Variants in PRKG1 observed in about 807,000 individuals in gnomAD.
PRKG1 encodes cGMP-dependent protein kinase 1.
In PRKG1, 35 loss-of-function variants were observed where a neutral mutation model predicts 88.1. The observed-to-expected ratio is 0.40, with a 90% CI of 0.30 to 0.53. The LOEUF (loss-of-function observed/expected upper bound fraction) is 0.53. Among genes scored for constraint, PRKG1 ranks in the 20% least tolerant of loss-of-function variants. PRKG1 has a pLI of 0.59. For missense variants in PRKG1, 540 were observed against 839.8 expected, an observed-to-expected ratio of 0.64 and a Z score of 4.41; for synonymous variants, 303 against 292.5, an observed-to-expected ratio of 1.04 and a Z score of -0.37.
intron 7 of PRKG1, among the ~76,000 whole-genome samples, chr10:52,130,035 G>C (rs1289182937): frequency 6.6e-6 from 1 of 152,076 alleles, no homozygotes; most frequent in East Asian, 1.9e-4. Context: ...TCTATTCTCA[G>C]AGCACCACCC....
At chr10:51,031,631 C>T (rs1351941179) in intron 1 of PRKG1, among the ~76,000 whole-genome samples, 1 of 152,104 alleles carries the variant, frequency 6.6e-6, no homozygotes, top group Non-Finnish European at 1.5e-5. Flanking sequence ...TTTATCATAT[C>T]AGCCCTATGA....
intron 1 of PRKG1, among the ~76,000 whole-genome samples, chr10:51,056,326 C>T (rs541177323): frequency 1.3e-5 from 2 of 152,318 alleles, no homozygotes; most frequent in African/African-American, 4.8e-5. Flanking sequence ...AAAAGATTCT[C>T]AGTAAAAGAG....
chr10:51,291,905 G>C (rs1300557245), intron 2 of PRKG1, among the ~76,000 whole-genome samples: 2 of 152,160 alleles, frequency 1.3e-5, no homozygotes, highest in Non-Finnish European at 2.9e-5. Flanking sequence ...TTGCCTTTAA[G>C]TGTTTTAAAA....
intron 4 of PRKG1, among the ~76,000 whole-genome samples, chr10:51,834,607 A>G (rs1392961392): frequency 2.0e-5 from 3 of 151,700 alleles, no homozygotes; most frequent in African/African-American, 7.3e-5. Flanking sequence ...TGACACTGTG[A>G]TACTACACTC....
chr10:52,093,840 T>C (rs951488737), intron 7 of PRKG1, among the ~76,000 whole-genome samples: 1 of 152,140 alleles, frequency 6.6e-6, no homozygotes, highest in African/African-American at 2.4e-5. Flanking sequence ...TAACCTTCTA[T>C]AGTTTTAAAC....
At chr10:51,788,273 A>G (rs565765438) in intron 3 of PRKG1, among the ~76,000 whole-genome samples, 2 of 152,276 alleles carry the variant, frequency 1.3e-5, no homozygotes, top group African/African-American at 4.8e-5. Context: ...ATTCGTGTCA[A>G]TTACAGCTTA....
At chr10:51,670,742 AAATAAATAAAT>A (rs1304463685) in intron 3 of PRKG1, among the ~76,000 whole-genome samples, 1 of 73,604 alleles carries the variant, frequency 1.4e-5, no homozygotes, top group African/African-American at 5.7e-5. Context: ...TCTCAAAAAA[AAATAAATAAAT>A]AAATAAATAA....
At chr10:51,807,720 A>G (rs757012394) in intron 4 of PRKG1, among the ~76,000 whole-genome samples, 4 of 152,302 alleles carry the variant, frequency 2.6e-5, no homozygotes, top group African/African-American at 4.8e-5. Flanking sequence ...CTTTGGAATG[A>G]GAATCTTAAT....
intron 4 of PRKG1, among the ~76,000 whole-genome samples, chr10:51,824,232 C>T (rs375979594): frequency 4.6e-5 from 7 of 152,224 alleles, no homozygotes; most frequent in African/African-American, 1.7e-4. Context: ...GGTGCTTGGA[C>T]AGCATTTATC....
chr10:51,087,540 A>G (rs1263928124), intron 1 of PRKG1, among the ~76,000 whole-genome samples: 3 of 152,102 alleles, frequency 2.0e-5, no homozygotes, highest in Admixed American at 6.5e-5. Context: ...CTCACTCTCT[A>G]TATGCTCTGT....
chr10:51,488,347 T>A (rs1391921962), intron 3 of PRKG1, among the ~76,000 whole-genome samples: 1 of 152,186 alleles, frequency 6.6e-6, no homozygotes, highest in Non-Finnish European at 1.5e-5. Flanking sequence ...TCCTAACTAA[T>A]GCCCTTTAAA....
Position 52,293,853 on chromosome 10 carries a change from G to A in PRKG1, c.2014G>A (p.Asp672Asn), listed in dbSNP as rs142375882. ...TTTTGACAGTTTCCCTGAGGACAAC[G>A]ATGAACCACCACCTGATGACAACTC... Reference protein sequence around the residue: ...SNFDSFPEDNDEPPPDDNSGW... With the variant: ...SNFDSFPEDNNEPPPDDNSGW... Residue 672 changes from aspartate (D) to asparagine (N), a missense_variant, in exon 18 of 18, where the codon GAT becomes AAT. By Grantham distance (23) the Asp-to-Asn change is conservative. Coordinates refer to ENST00000373980, the MANE Select transcript of PRKG1 (RefSeq NM_006258.4). 5.3e-5 allele frequency: 85 copies of A among 1,613,098 alleles called. No individual in the cohort carries two copies. In the Admixed American group the frequency reaches 6.2e-4, roughly 12 times the overall value.
chr10:51,549,258 G>A (rs1842523207), intron 3 of PRKG1, among the ~76,000 whole-genome samples: 1 of 150,452 alleles, frequency 6.6e-6, no homozygotes, highest in African/African-American at 2.4e-5. Flanking sequence ...CAAAGTAGCT[G>A]GGATTACAGG....
intron 4 of PRKG1, among the ~76,000 whole-genome samples, chr10:51,882,620 C>T (rs1013591394): frequency 5.9e-5 from 9 of 152,130 alleles, no homozygotes; most frequent in Admixed American, 1.3e-4. Flanking sequence ...TATTCTTCGC[C>T]CCTCTATCCC....
chr10:51,976,104 A>G (rs1284650081), intron 5 of PRKG1, among the ~76,000 whole-genome samples: 1 of 152,018 alleles, frequency 6.6e-6, no homozygotes, highest in African/African-American at 2.4e-5. Flanking sequence ...TAATCAAAAG[A>G]CAGATAATAA....
chr10:51,396,213 G>A (rs537435878), intron 2 of PRKG1, among the ~76,000 whole-genome samples: 4 of 151,994 alleles, frequency 2.6e-5, no homozygotes, highest in African/African-American at 4.8e-5. Context: ...TAGTGAGACC[G>A]TATCTCTATC....
chr10:51,749,196 C>A (rs1837655630), intron 3 of PRKG1, among the ~76,000 whole-genome samples: 2 of 152,180 alleles, frequency 1.3e-5, no homozygotes, highest in South Asian at 4.1e-4. Flanking sequence ...GTAGTGTATG[C>A]CATCTATGAG....
At chr10:51,716,070 C>A (rs746464112) in intron 3 of PRKG1, among the ~76,000 whole-genome samples, 1 of 152,182 alleles carries the variant, frequency 6.6e-6, no homozygotes, top group East Asian at 1.9e-4. Flanking sequence ...TGCTTTGCAG[C>A]GTGATGGTCC....
intron 3 of PRKG1, among the ~76,000 whole-genome samples, chr10:51,638,506 C>T (rs533700104): frequency 1.1e-4 from 17 of 152,286 alleles, no homozygotes; most frequent in South Asian, 2.1e-4. Flanking sequence ...CAAATCATTG[C>T]TGTGCCAAAT....
Sources: allele counts gnomAD v4.1 joint callset (sites outside exome capture counted in the v4.1 genomes callset), GRCh38; gene constraint gnomAD v4.1.1; transcripts MANE v1.5; gene names NCBI Gene and HGNC (gene_info 2026-07-23, HGNC 2026-07-21).